Variants in DNAH9 observed in about 807,000 individuals in gnomAD.
DNAH9 encodes DNAH9 variant protein.
Under a neutral mutation model 471.6 loss-of-function variants are expected in DNAH9, and 345 were observed. The observed-to-expected ratio is 0.73, with a 90% CI of 0.67 to 0.80. The LOEUF is 0.80. Among genes scored for constraint, DNAH9 ranks in the 30% least tolerant of loss-of-function variants. The pLI is 0.00. For synonymous variants in DNAH9, 2,093 were observed against 2,123.6 expected, an observed-to-expected ratio of 0.99 and a Z score of 0.40; for missense variants, 5,407 against 5,609.2, an observed-to-expected ratio of 0.96 and a Z score of 1.15.
chr17:11,850,238 C>T (rs1009767823), intron 49 of DNAH9, among the ~76,000 whole-genome samples: 5 of 152,242 alleles, frequency 3.3e-5, no homozygotes, highest in African/African-American at 1.2e-4. Context: ...TGGAGAAGAA[C>T]AAATGCATCG....
intron 20 of DNAH9, among the ~76,000 whole-genome samples, chr17:11,693,225 T>C (rs1253119269): frequency 6.9e-6 from 1 of 145,786 alleles, no homozygotes; most frequent in African/African-American, 2.5e-5. Context: ...TTATTGCTAC[T>C]TTTAAAATGC....
At chr17:11,941,437 A>G (rs1338813660) in intron 66 of DNAH9, among the ~76,000 whole-genome samples, 1 of 152,074 alleles carries the variant, frequency 6.6e-6, no homozygotes, top group Non-Finnish European at 1.5e-5. Context: ...TTACTCATTT[A>G]TTCCAAAATG....
In DNAH9 at chr17:11,666,432, A is replaced by T. The variant is rs1474911528; in HGVS notation, c.2731+1464A>T. On this transcript the variant is annotated intron_variant, in intron 15 of 68. Transcript: ENST00000262442. ...TGGGACCAGGGGATGGAGAGAAGAG[A>T]TGGCAGTCTTTCTCCAAGATTACCA... Among the ~76,000 whole-genome samples the T allele has an allele frequency of 3.3e-5, 5 of 152,142 alleles. No individual in the cohort carries two copies. The South Asian group carries it at 1.0e-3, about 32-fold the overall frequency.
At chr17:11,764,574 G>A (rs1967851623) in intron 36 of DNAH9, among the ~76,000 whole-genome samples, 1 of 152,068 alleles carries the variant, frequency 6.6e-6, no homozygotes, top group Non-Finnish European at 1.5e-5. Context: ...CTCTGCTTCT[G>A]TGAATTGACT....
intron 68 of DNAH9, 59 bp from the exon 69 acceptor site, chr17:11,969,241 G>A (rs936138955): frequency 1.4e-6 from 2 of 1,478,886 alleles, no homozygotes; most frequent in African/African-American, 2.8e-5. Context: ...CAAGAGCAAG[G>A]CTGGTTGGCT....
intron 19 of DNAH9, among the ~76,000 whole-genome samples, chr17:11,688,075 A>T (rs1389082836): frequency 9.1e-6 from 1 of 110,314 alleles, no homozygotes; most frequent in Non-Finnish European, 1.8e-5. Context: ...CGGAGATTGC[A>T]GTAAGCCAAA....
intron 35 of DNAH9, among the ~76,000 whole-genome samples, chr17:11,759,516 A>AAT (rs1194139238): frequency 4.2e-5 from 4 of 95,064 alleles, no homozygotes; most frequent in Non-Finnish European, 9.3e-5. Context: ...TATACACACC[A>AAT]CTTTTTTTTT....
At chr17:11,773,503 A>G (rs1968299899) in intron 38 of DNAH9, among the ~76,000 whole-genome samples, 1 of 152,126 alleles carries the variant, frequency 6.6e-6, no homozygotes, top group South Asian at 2.1e-4. Flanking sequence ...TATCTTGTTT[A>G]AAAAGAAATA....
At chr17:11,824,852 G>A (rs537482071) in intron 48 of DNAH9, among the ~76,000 whole-genome samples, 1 of 151,718 alleles carries the variant, frequency 6.6e-6, no homozygotes, top group African/African-American at 2.4e-5. Flanking sequence ...GTAATGGATC[G>A]TTTTCAGTAC....
At chr17:11,950,247 A>G (rs1467551093) in intron 67 of DNAH9, among the ~76,000 whole-genome samples, 2 of 152,206 alleles carry the variant, frequency 1.3e-5, no homozygotes, top group African/African-American at 4.8e-5. Context: ...ATTATCACCC[A>G]GAGTTCATAG....
intron 6 of DNAH9, among the ~76,000 whole-genome samples, chr17:11,629,156 G>T (rs2073021669): frequency 6.8e-6 from 1 of 147,774 alleles, no homozygotes; most frequent in Non-Finnish European, 1.5e-5. Flanking sequence ...GTGCAGGTTT[G>T]TTACATATGT....
intron 62 of DNAH9, 76 bp downstream of exon 62, chr17:11,924,017 C>T: frequency 6.4e-7 from 1 of 1,560,426 alleles, no homozygotes; most frequent in Non-Finnish European, 8.7e-7. Flanking sequence ...CATCTCCATC[C>T]ACTCTTAGCT....
chr17:11,742,687 T>C (rs2075449794), intron 30 of DNAH9, among the ~76,000 whole-genome samples: 1 of 152,166 alleles, frequency 6.6e-6, no homozygotes, highest in Admixed American at 6.5e-5. Context: ...AGCTTTGAGC[T>C]TCTCATAGTT....
intron 27 of DNAH9, among the ~76,000 whole-genome samples, chr17:11,725,804 T>C (rs1460247313): frequency 3.9e-5 from 6 of 152,004 alleles, no homozygotes; most frequent in African/African-American, 1.5e-4. Flanking sequence ...GAGGCAGAGG[T>C]TGCAGTGAAC....
intron 38 of DNAH9, among the ~76,000 whole-genome samples, chr17:11,779,289 C>A (rs904916527): frequency 6.6e-6 from 1 of 152,102 alleles, no homozygotes; most frequent in Admixed American, 6.5e-5. Flanking sequence ...ATGTCTCATT[C>A]GTTCAGCTCC....
intron 14 of DNAH9, among the ~76,000 whole-genome samples, chr17:11,653,500 G>A (rs1245317268): frequency 1.3e-5 from 2 of 152,202 alleles, no homozygotes; most frequent in Admixed American, 6.5e-5. Context: ...CCCTGCATTA[G>A]TGGTCAGGGA....
At chr17:11,734,643 G>A (rs1222332228) in intron 28 of DNAH9, among the ~76,000 whole-genome samples, 1 of 152,204 alleles carries the variant, frequency 6.6e-6, no homozygotes, top group Non-Finnish European at 1.5e-5. Context: ...TCTGAGAGAG[G>A]GAGAGAGGGG....
chr17:11,661,548 A>G (rs1754430171), intron 14 of DNAH9, among the ~76,000 whole-genome samples: 1 of 151,846 alleles, frequency 6.6e-6, no homozygotes, highest in South Asian at 2.1e-4. Context: ...TATATTTTTT[A>G]GTATTCTATT....
chr17:11,757,507 A>G (rs1436617770), intron 34 of DNAH9, 38 bp from the exon 35 acceptor site: 14 of 1,566,828 alleles, frequency 8.9e-6, no homozygotes, highest in South Asian at 2.3e-5. Context: ...AATGATGTAT[A>G]TGGAATATTC....
Sources: gnomAD v4.1 joint callset for allele counts (sites outside exome capture counted in the v4.1 genomes callset) on GRCh38, gnomAD v4.1.1 for gene constraint, MANE v1.5 for transcripts, NCBI Gene and HGNC (gene_info 2026-07-23, HGNC 2026-07-21) for gene names.